C20orf96: variants seen among roughly 807,000 people sequenced by gnomAD.
C20orf96 encodes chromosome 20 open reading frame 96, also known as uncharacterized protein C20orf96.
C20orf96 carries 57 observed loss-of-function variants against 52.6 expected under a neutral mutation model. The observed-to-expected ratio is 1.08, with a 90% CI of 0.88 to 1.35. C20orf96 has a LOEUF of 1.35. C20orf96 is among the 40% of genes most tolerant of loss of function. C20orf96 has a pLI of 0.00. For synonymous variants in C20orf96, 168 were observed against 157.2 expected (o/e 1.07, Z -0.51); for missense variants, 478 against 443.6 (o/e 1.08, Z -0.70).
Position 271,233 on chromosome 20 carries a change from G to C in C20orf96, c.1066C>G (p.Pro356Ala), listed in dbSNP as rs946062240. 6 of 1,556,302 alleles carry C rather than the reference G, an allele frequency of 3.9e-6. No homozygotes were observed. The highest frequency in any genetic ancestry group is 5.2e-6 in the Non-Finnish European group (6 of 1,149,544). The change falls in exon 11 of 11, where the codon CCT (proline) becomes GCT (alanine). Residue 356 changes from proline to alanine, a missense_variant. Pro to Ala is a conservative substitution (Grantham distance 27). Transcript: ENST00000360321. The part of the protein sequence containing the change: ...TPDMDVILNI[P>A]VEEPLPF The stretch of plus-strand genomic sequence containing the variant: ...TAGAAGGGTAGTGGCTCTTCCACAG[G>C]AATGTTGAGGATGACATCCATGTCT...
chr20:288,566 C>A (rs1055075866), intron 3 of C20orf96, among the ~76,000 whole-genome samples: 3 of 152,176 alleles, frequency 2.0e-5, no homozygotes, highest in Non-Finnish European at 4.4e-5. Context: ...CTCCCCTCCC[C>A]CAGCCTACCT....
At chr20:287,149 A>G (rs2012407502) in intron 3 of C20orf96, among the ~76,000 whole-genome samples, 1 of 152,224 alleles carries the variant, frequency 6.6e-6, no homozygotes, top group Non-Finnish European at 1.5e-5. Context: ...TTGTGTGAAT[A>G]TAAGTTTTCA....
chr20:281,327 C>T (rs1477375686), intron 4 of C20orf96, among the ~76,000 whole-genome samples: 2 of 152,042 alleles, frequency 1.3e-5, no homozygotes, highest in Non-Finnish European at 2.9e-5. Context: ...TCACTTTAGC[C>T]TGGGTGACAG....
chr20:284,555 A>G (rs1449926433), intron 3 of C20orf96, among the ~76,000 whole-genome samples: 2 of 152,224 alleles, frequency 1.3e-5, no homozygotes, highest in Non-Finnish European at 1.5e-5. Context: ...AGACAGTCCA[A>G]GTTTAAATCC....
In C20orf96 at chr20:278,929, GCGGAGGGAGGGCGGGA is replaced by G. The variant is rs1376586582; in HGVS notation, c.465+227_465+242del. On this transcript the variant is annotated intron_variant, in intron 5 of 10. Transcript: ENST00000360321. ...AAGGCAGGAGAGGGCGCGCGAGTGC[GCGGAGGGAGGGCGGGA>G]CGGAGGGAGGGAGGGCGGGACGGAG... Among the ~76,000 whole-genome samples the G allele has an allele frequency of 3.8e-3, 35 of 9,246 alleles. 1 individual carries two copies. The highest frequency in any genetic ancestry group is 6.5e-3 in the East Asian group (2 of 308). 6.1% of individuals were successfully genotyped at this position (9,246 alleles called of 152,430 possible).
chr20:281,619 G>A (rs1055040294), intron 4 of C20orf96, among the ~76,000 whole-genome samples: 11 of 152,168 alleles, frequency 7.2e-5, no homozygotes, highest in South Asian at 2.1e-4. Context: ...CACTTCATGC[G>A]CACTGCAGCA....
chr20:273,361 A>G (rs922169543), intron 10 of C20orf96, among the ~76,000 whole-genome samples: 11 of 152,138 alleles, frequency 7.2e-5, no homozygotes, highest in East Asian at 1.9e-4. Flanking sequence ...CAGGCAGAAC[A>G]TCTGGGCCTA....
intron 10 of C20orf96, among the ~76,000 whole-genome samples, chr20:272,640 G>A (rs946943928): frequency 1.3e-5 from 2 of 152,098 alleles, no homozygotes; most frequent in African/African-American, 4.8e-5. Flanking sequence ...ACAGGTGTGA[G>A]CCACCATGCC....
intron 4 of C20orf96, among the ~76,000 whole-genome samples, chr20:281,051 G>A (rs2012241509): frequency 6.6e-6 from 1 of 152,148 alleles, no homozygotes. Context: ...AGCTACTCAG[G>A]AGTCTGAGGT....
At chr20:289,716 A>T (rs2012488328) in intron 2 of C20orf96, 40 bp from the exon 3 acceptor site, 2 of 1,496,412 alleles carry the variant, frequency 1.3e-6, no homozygotes, top group Non-Finnish European at 1.9e-6. Context: ...CCATGAGTTT[A>T]TATCCCAGCT....
chr20:277,463 G>GACCTT, intron 6 of C20orf96, 80 bp from the exon 7 acceptor site: 4 of 1,486,944 alleles, frequency 2.7e-6, no homozygotes, highest in Non-Finnish European at 2.8e-6. Flanking sequence ...AGGCCCAGGA[G>GACCTT]GCAAGGTCTC....
chr20:276,005 C>T lies in C20orf96; in HGVS notation c.994G>A (p.Glu332Lys). ...AGCAGAACATCCTCAAATATGACCT[C>T]TCGGGGTTCCCGGGTCTGGGCTTGG... The part of the protein sequence containing the change: ...ELQAQTREPR[E>K]VIFEDVLLRR... The change falls in exon 10 of 11, where the codon GAG (glutamate) becomes AAG (lysine). Residue 332 changes from glutamate to lysine, a missense_variant. Transcript: ENST00000360321. 1 of 1,614,200 alleles carries T rather than the reference C, an allele frequency of 6.2e-7. No individual in the cohort carries two copies. The highest frequency in any genetic ancestry group is 8.5e-7 in the Non-Finnish European group (1 of 1,180,040).
intron 10 of C20orf96, among the ~76,000 whole-genome samples, chr20:271,828 A>G (rs1020629611): frequency 1.8e-4 from 28 of 152,232 alleles, no homozygotes; most frequent in African/African-American, 6.5e-4. Flanking sequence ...CCAGCAGGTA[A>G]TAAGTGCTCA....
chr20:289,062 C>A (rs11087339), intron 3 of C20orf96, among the ~76,000 whole-genome samples: 19,574 of 152,162 alleles, frequency 0.13, 1,356 homozygotes, highest in South Asian at 0.18. Flanking sequence ...TTTCACCAAA[C>A]CTTGTTTTCT....
At chr20:289,284 A>G (rs1403401315) in intron 3 of C20orf96, among the ~76,000 whole-genome samples, 1 of 151,614 alleles carries the variant, frequency 6.6e-6, no homozygotes, top group Non-Finnish European at 1.5e-5. Context: ...AGTATCCAGC[A>G]GAAGACTTCA....
chr20:279,214 G>T lies in C20orf96; in HGVS notation c.423C>A (p.Thr141=), dbSNP rs200597416. ...GCTGCAGCAGGGCCCGCACGTGCAG[G>T]GTCGTGCTGTTCTCCATCTCCTGGA... is the stretch of plus-strand genomic sequence containing the variant. The part of the protein sequence containing the change: ...ETIQEMENST[T]LHVRALLQQQ... Residue 141 remains threonine (T), a synonymous_variant, in exon 5 of 11, where the codon ACC becomes ACA. Transcript: ENST00000360321. 9 of 1,609,094 alleles carry T rather than the reference G, an allele frequency of 5.6e-6. No homozygotes were observed. The highest frequency in any genetic ancestry group is 6.8e-6 in the Non-Finnish European group (8 of 1,178,800).
chr20:286,496 AAGAGAGACAGAGAGAG>A (rs1291971954), intron 3 of C20orf96, among the ~76,000 whole-genome samples: 25 of 151,014 alleles, frequency 1.7e-4, no homozygotes, highest in Middle Eastern at 3.4e-3. Flanking sequence ...CAGCCTGGGT[AAGAGAGACAGAGAGAG>A]AGAGAGACTC....
chr20:290,749 T>C lies in C20orf96; in HGVS notation c.-139A>G, dbSNP rs2012529638. The C allele has an allele frequency of 1.9e-6, 2 of 1,029,416 alleles. No individual in the cohort carries two copies. Among genetic ancestry groups the C allele is most frequent in the South Asian group, 1.5e-5 (1 of 66,208 alleles). The allele number at this position is 1,029,416 out of a possible 1,614,324, so 63.8% of individuals were successfully genotyped here. A position where few individuals can be genotyped will look rare whatever the true frequency, so the allele number is the denominator to read the frequency against. On this transcript the variant is annotated 5_prime_UTR_variant, in exon 1 of 11. Coordinates refer to ENST00000360321, the MANE Select transcript of C20orf96 (RefSeq NM_153269.3). ...TCAGAAGTCCCGAGACCCGATGCTT[T>C]CGCCAGCGTCTCGGTCTCCAAGGAA...
Position 284,929 on chromosome 20 carries a change from CA to C in C20orf96, c.188-849del, listed in dbSNP as rs1330638411. The stretch of plus-strand genomic sequence containing the variant: ...CTTCTACTAGCTGCGTGACCTTGAG[CA>C]AGTCAAATGACCTCTGTGTCCCTCC... On this transcript the variant is annotated intron_variant, in intron 3 of 10. Coordinates refer to ENST00000360321, the MANE Select transcript of C20orf96 (RefSeq NM_153269.3). 2.0e-5 allele frequency among the ~76,000 whole-genome samples: 3 copies of C among 152,280 alleles called. No homozygotes were observed. The East Asian group carries it at 5.8e-4, about 29-fold the overall frequency.
Sources: allele counts gnomAD v4.1 joint callset (sites outside exome capture counted in the v4.1 genomes callset), GRCh38; gene constraint gnomAD v4.1.1; transcripts MANE v1.5; gene names NCBI Gene and HGNC (gene_info 2026-07-23, HGNC 2026-07-21).